The following SEMA6D variants were observed in gnomAD, a reference collection of about 807,000 sequenced individuals.
SEMA6D encodes semaphorin-6D.
A neutral mutation model predicts 106.6 loss-of-function variants in SEMA6D; 35 were observed. The ratio of observed to expected loss-of-function variants is 0.33; its 90% confidence interval spans 0.25 to 0.44. SEMA6D has a LOEUF of 0.44. SEMA6D is among the 20% of genes least tolerant of loss of function. SEMA6D has a pLI of 1.00. For synonymous variants in SEMA6D, 499 were observed against 487.7 expected, an observed-to-expected ratio of 1.02 and a Z score of -0.31; for missense variants, 1,185 against 1,345.9, an observed-to-expected ratio of 0.88 and a Z score of 1.87.
intron 1 of SEMA6D, among the ~76,000 whole-genome samples, chr15:47,224,814 G>T (rs748225129): frequency 6.6e-6 from 1 of 151,842 alleles, no homozygotes; most frequent in Non-Finnish European, 1.5e-5. Context: ...CTCCCATCTT[G>T]ATCTCCTACT....
intron 1 of SEMA6D, among the ~76,000 whole-genome samples, chr15:47,293,491 A>ACCTT (rs2035676555): frequency 6.6e-6 from 1 of 152,206 alleles, no homozygotes; most frequent in African/African-American, 2.4e-5. Flanking sequence ...GGGTTAATAA[A>ACCTT]GGCTGGACTC....
At chr15:47,408,050 G>A (rs943946673) in intron 1 of SEMA6D, among the ~76,000 whole-genome samples, 5 of 152,084 alleles carry the variant, frequency 3.3e-5, no homozygotes, top group Admixed American at 6.5e-5. Context: ...AAGGACCTGC[G>A]GTTTTTCATT....
intron 4 of SEMA6D, among the ~76,000 whole-genome samples, chr15:47,667,794 G>A (rs549554953): frequency 2.2e-4 from 33 of 152,216 alleles, no homozygotes; most frequent in African/African-American, 3.4e-4. Flanking sequence ...ATCAGATTTC[G>A]ACATATGAAT....
intron 1 of SEMA6D, among the ~76,000 whole-genome samples, chr15:47,325,720 C>G (rs2037105610): frequency 6.6e-6 from 1 of 152,108 alleles, no homozygotes. Flanking sequence ...CTCCATTTAC[C>G]ATACTGTTTT....
chr15:47,711,706 C>A (rs1242509836), intron 4 of SEMA6D, among the ~76,000 whole-genome samples: 1 of 152,178 alleles, frequency 6.6e-6, no homozygotes, highest in Admixed American at 6.5e-5. Flanking sequence ...TTAATAACTT[C>A]AATATATTCA....
intron 2 of SEMA6D, among the ~76,000 whole-genome samples, chr15:47,456,684 G>A (rs2042355794): frequency 6.6e-6 from 1 of 151,992 alleles, no homozygotes; most frequent in Non-Finnish European, 1.5e-5. Flanking sequence ...AATAGGCAGT[G>A]CAAATAGTAA....
intron 9 of SEMA6D, 88 bp downstream of exon 9, chr15:47,763,192 T>C (rs1307512526): frequency 9.9e-7 from 1 of 1,007,676 alleles, no homozygotes; most frequent in Non-Finnish European, 1.4e-6. Context: ...TCACTTGGCA[T>C]GTTTTCCAGC....
At chr15:47,634,986 C>T (rs532433459) in intron 4 of SEMA6D, among the ~76,000 whole-genome samples, 1 of 152,246 alleles carries the variant, frequency 6.6e-6, no homozygotes, top group South Asian at 2.1e-4. Context: ...GGAGAACAGA[C>T]CTTTTTTGGA....
At chr15:47,531,228 AC>A (rs1330988462) in intron 3 of SEMA6D, among the ~76,000 whole-genome samples, 1 of 152,244 alleles carries the variant, frequency 6.6e-6, no homozygotes, top group African/African-American at 2.4e-5. Context: ...TGCTATAAAT[AC>A]ACATATAGCA....
At chr15:47,566,118 GATA>G (rs1167734184) in intron 3 of SEMA6D, among the ~76,000 whole-genome samples, 1 of 152,202 alleles carries the variant, frequency 6.6e-6, no homozygotes, top group Admixed American at 6.5e-5. Context: ...GCAAAATTGA[GATA>G]ATGTCTGACA....
chr15:47,694,080 C>G lies in SEMA6D; in HGVS notation c.-54-65665C>G, dbSNP rs76822960. Among the ~76,000 whole-genome samples the G allele has an allele frequency of 5.7e-3, 866 of 152,258 alleles. 8 individuals carry two copies. The highest frequency in any genetic ancestry group is 0.02 in the African/African-American group (834 of 41,546). ...TGGTCCTCAAAGAGTAGCTCCCAAA[C>G]TAGTTGCATTAGAGTCAACTGGGAA... On this transcript the variant is annotated intron_variant, in intron 4 of 19. Coordinates refer to the SEMA6D transcript ENST00000558014.
At chr15:47,669,010 A>G (rs1468083006) in intron 4 of SEMA6D, among the ~76,000 whole-genome samples, 14 of 152,186 alleles carry the variant, frequency 9.2e-5, no homozygotes, top group Non-Finnish European at 1.9e-4. Context: ...GAACACCCAT[A>G]TAGATTCACT....
intron 3 of SEMA6D, among the ~76,000 whole-genome samples, chr15:47,563,499 A>G (rs2046139419): frequency 6.6e-6 from 1 of 152,096 alleles, no homozygotes; most frequent in Non-Finnish European, 1.5e-5. Context: ...CCCCATCTCC[A>G]ATCCTATGCT....
chr15:47,232,526 GGTGTGTGTGT>G (rs60261871), intron 1 of SEMA6D, among the ~76,000 whole-genome samples: 3 of 148,140 alleles, frequency 2.0e-5, no homozygotes, highest in African/African-American at 7.4e-5. Context: ...ATGGGGGGAG[GGTGTGTGTGT>G]GTGTGTGTGT....
chr15:47,196,993 A>G (rs1263960837), intron 1 of SEMA6D, among the ~76,000 whole-genome samples: 1 of 152,214 alleles, frequency 6.6e-6, no homozygotes, highest in Non-Finnish European at 1.5e-5. Context: ...AGGAGATCTT[A>G]GCACTGTTAA....
intron 2 of SEMA6D, among the ~76,000 whole-genome samples, chr15:47,418,294 G>A (rs2041043788): frequency 6.6e-6 from 1 of 152,128 alleles, no homozygotes; most frequent in African/African-American, 2.4e-5. Context: ...TATTCAGTCT[G>A]AATCATTACA....
intron 1 of SEMA6D, among the ~76,000 whole-genome samples, chr15:47,355,550 TTTACCATCGTA>T (rs2038532544): frequency 6.6e-6 from 1 of 152,170 alleles, no homozygotes. Context: ...TCAGATGTGT[TTTACCATCGTA>T]GTCTTTCTAG....
At chr15:47,638,481 A>G (rs2077430792) in intron 4 of SEMA6D, among the ~76,000 whole-genome samples, 1 of 152,214 alleles carries the variant, frequency 6.6e-6, no homozygotes, top group Non-Finnish European at 1.5e-5. Context: ...ACCCCTTAAC[A>G]ACGTAACAAA....
At chr15:47,552,905 T>TTTATATATATATATATATATAA (rs1555389727) in intron 3 of SEMA6D, among the ~76,000 whole-genome samples, 1 of 94,838 alleles carries the variant, frequency 1.1e-5, no homozygotes, top group African/African-American at 4.0e-5. Context: ...TATATATATA[T>TTTATATATATATATATATATAA]AAATATATAT....
Sources: gnomAD v4.1 joint callset for allele counts (sites outside exome capture counted in the v4.1 genomes callset) on GRCh38, gnomAD v4.1.1 for gene constraint, MANE v1.5 for transcripts, NCBI Gene and HGNC (gene_info 2026-07-23, HGNC 2026-07-21) for gene names.